CGNL1: variants seen among roughly 807,000 people sequenced by gnomAD.
CGNL1 encodes cingulin like 1, also known as cingulin-like protein 1.
Under a neutral mutation model 141.2 loss-of-function variants are expected in CGNL1, and 132 were observed. The ratio of observed to expected loss-of-function variants is 0.93; its 90% CI spans 0.81 to 1.08. The LOEUF is 1.08. CGNL1 is among the 50% of genes least tolerant of loss of function. The pLI is 0.00. For synonymous variants in CGNL1, 690 were observed against 622.1 expected (o/e 1.11, Z -1.63); for missense variants, 1,870 against 1,588.6 (o/e 1.18, Z -3.01).
chr15:57,380,030 A>G (rs2062407976), intron 1 of CGNL1, among the ~76,000 whole-genome samples: 1 of 151,950 alleles, frequency 6.6e-6, no homozygotes, highest in African/African-American at 2.4e-5. Context: ...AATTCACACT[A>G]AGGTGTCTTT....
At chr15:57,478,858 C>T (rs1345076070) in intron 8 of CGNL1, among the ~76,000 whole-genome samples, 2 of 152,092 alleles carry the variant, frequency 1.3e-5, no homozygotes, top group African/African-American at 4.8e-5. Flanking sequence ...ATGTTGGTAT[C>T]GAACTCCTGG....
chr15:57,534,139 C>G (rs1416605441), intron 14 of CGNL1, among the ~76,000 whole-genome samples: 2 of 152,224 alleles, frequency 1.3e-5, no homozygotes, highest in African/African-American at 4.8e-5. Context: ...TACTTTCCCC[C>G]AATTCTCTCC....
chr15:57,453,935 G>T lies in CGNL1; in HGVS notation c.2190+117G>T. The T allele has an allele frequency of 1.1e-5, 13 of 1,184,138 alleles. No individual in the cohort carries two copies. In the South Asian group the frequency reaches 1.9e-4, roughly 18 times the overall value. 73.4% of individuals were successfully genotyped at this position (1,184,138 alleles called of 1,614,324 possible). A position where few individuals can be genotyped will look rare whatever the true frequency, so the allele number is the denominator to read the frequency against. ...TGATGTGCACACCTGCTCCACCTGT[G>T]CTCTTATGATCTGTGAGTCAGTGGA... On this transcript the variant is annotated intron_variant, in intron 7 of 18. Transcript: ENST00000281282.
In CGNL1 at chr15:57,543,066, C is replaced by T. The variant is rs1291732719; in HGVS notation, c.3292-630C>T. Among the ~76,000 whole-genome samples, 3 of 152,196 alleles carry T rather than the reference C, an allele frequency of 2.0e-5. No individual in the cohort carries two copies. In the East Asian group the frequency reaches 5.8e-4, roughly 29 times the overall value. ...AACAGAAATCTATTGTCTCATGGTT[C>T]TGGAGGCCAGAAATCTGAAATCAGA... is the stretch of plus-strand genomic sequence containing the variant. On this transcript the variant is annotated intron_variant, in intron 14 of 18. Coordinates refer to ENST00000281282, the MANE Select transcript of CGNL1 (RefSeq NM_032866.5).
At chr15:57,530,266 C>G (rs1204151293) in intron 13 of CGNL1, among the ~76,000 whole-genome samples, 2 of 152,220 alleles carry the variant, frequency 1.3e-5, no homozygotes, top group Admixed American at 6.5e-5. Context: ...AGATCGTTTC[C>G]TTTGGCCGAC....
At position 57,438,953 on chromosome 15, in the gene CGNL1, AT is replaced by A; in HGVS notation, c.955del (p.Cys319ValfsTer38). On this transcript the variant is annotated frameshift_variant, in exon 2 of 19. Coordinates refer to ENST00000281282, the MANE Select transcript of CGNL1 (RefSeq NM_032866.5). LOFTEE classifies it high-confidence loss of function. ...ACAGGTTTTTACTGGATGATCAGGA[AT>A]GTGCCATCCATGCCGACAACGTCAA... ...LYRFLLDDQECAIHADNVNRH... is the reference protein window; with the variant it reads ...LYRFLLDDQEXAIHADNVNRH... 1 of 1,614,220 alleles carries A rather than the reference AT, an allele frequency of 6.2e-7. No individual in the cohort carries two copies. The highest frequency in any genetic ancestry group is 8.5e-7 in the Non-Finnish European group (1 of 1,180,036).
chr15:57,545,060 G>C (rs1441235048), intron 16 of CGNL1, among the ~76,000 whole-genome samples: 1 of 152,194 alleles, frequency 6.6e-6, no homozygotes, highest in Non-Finnish European at 1.5e-5. Flanking sequence ...ATGGGATCAA[G>C]TGAGCACACT....
At chr15:57,392,077 G>A (rs1276474883) in intron 1 of CGNL1, among the ~76,000 whole-genome samples, 1 of 151,780 alleles carries the variant, frequency 6.6e-6, no homozygotes. Flanking sequence ...ATCAATTTCT[G>A]GAACCAAGAA....
At chr15:57,404,215 C>G (rs2062690650) in intron 1 of CGNL1, among the ~76,000 whole-genome samples, 1 of 152,216 alleles carries the variant, frequency 6.6e-6, no homozygotes, top group Non-Finnish European at 1.5e-5. Flanking sequence ...ACTTGCTTCT[C>G]CCTGCTGAGC....
At chr15:57,402,480 C>T (rs1012538046) in intron 1 of CGNL1, among the ~76,000 whole-genome samples, 19 of 152,218 alleles carry the variant, frequency 1.2e-4, no homozygotes, top group African/African-American at 4.6e-4. Context: ...ACACCATGCT[C>T]TAAGTAGGGC....
At chr15:57,456,866 C>A (rs1326972139) in intron 7 of CGNL1, among the ~76,000 whole-genome samples, 3 of 152,136 alleles carry the variant, frequency 2.0e-5, no homozygotes, top group East Asian at 3.8e-4. Context: ...CTGGCATTTG[C>A]CAAGATACAG....
At position 57,436,348 on chromosome 15, in the gene CGNL1, T is replaced by G. The variant is rs79832808; in HGVS notation, c.-15-1637T>G. 9.2e-5 allele frequency among the ~76,000 whole-genome samples: 14 copies of G among 152,298 alleles called. No individual in the cohort carries two copies. The East Asian group carries it at 2.5e-3, about 27-fold the overall frequency. On this transcript the variant is annotated intron_variant, in intron 1 of 18. Transcript: ENST00000281282. The stretch of plus-strand genomic sequence containing the variant: ...CAGGAAAGCTATTTAAAAAGAAGGT[T>G]GAGTCACTTGGCCTAAGCTTTTGGG...
chr15:57,522,545 G>A (rs373420144), intron 10 of CGNL1, among the ~76,000 whole-genome samples: 8 of 152,130 alleles, frequency 5.3e-5, no homozygotes, highest in African/African-American at 1.7e-4. Context: ...CAACGTTTTC[G>A]AGATGATCCA....
intron 1 of CGNL1, among the ~76,000 whole-genome samples, chr15:57,419,360 GC>G (rs1215836474): frequency 6.6e-6 from 1 of 152,152 alleles, no homozygotes; most frequent in African/African-American, 2.4e-5. Flanking sequence ...CAATTGGTTT[GC>G]CATAATTAAT....
intron 14 of CGNL1, among the ~76,000 whole-genome samples, chr15:57,543,169 G>A (rs2032657436): frequency 1.3e-5 from 2 of 152,042 alleles, no homozygotes; most frequent in Admixed American, 6.5e-5. Context: ...GGTGGTTTCT[G>A]GCAATCTTTG....
chr15:57,391,975 C>CG (rs386383115), intron 1 of CGNL1, among the ~76,000 whole-genome samples: 17 of 150,304 alleles, frequency 1.1e-4, no homozygotes, highest in African/African-American at 3.7e-4. Context: ...TTTTTCTTTC[C>CG]CCCCCCTCAC....
At chr15:57,546,278 C>T (rs771495660) in intron 18 of CGNL1, 39 bp downstream of exon 18, 1 of 1,527,822 alleles carries the variant, frequency 6.5e-7, no homozygotes, top group South Asian at 1.2e-5. Context: ...CGGGTAATCT[C>T]CCCACAGTTG....
At position 57,528,797 on chromosome 15, in the gene CGNL1, G is replaced by A; in HGVS notation, c.3183G>A (p.Arg1061=). ...AKSHLKDDRS[R]LVKQMEDKVS... is the part of the protein sequence containing the mutation. ...GTCACCTCAAAGATGACCGCAGCAG[G>A]CTGGTCAAGCAGATGGAGGTCTGTG... is the stretch of plus-strand genomic sequence containing the variant. Residue 1061 remains arginine, a synonymous_variant, in exon 13 of 19, where the codon AGG becomes AGA. Coordinates refer to ENST00000281282, the MANE Select transcript of CGNL1 (RefSeq NM_032866.5). The A allele has an allele frequency of 6.2e-7, 1 of 1,613,912 alleles. No homozygotes were observed. Among genetic ancestry groups the A allele is most frequent in the Non-Finnish European group, 8.5e-7 (1 of 1,179,964 alleles).
chr15:57,435,905 G>A (rs1411939754), intron 1 of CGNL1, among the ~76,000 whole-genome samples: 8 of 152,132 alleles, frequency 5.3e-5, no homozygotes, highest in Admixed American at 5.2e-4. Flanking sequence ...TGCTCACAGA[G>A]GGAAGCTCAA....
Sources: allele counts gnomAD v4.1 joint callset (sites outside exome capture counted in the v4.1 genomes callset), GRCh38; gene constraint gnomAD v4.1.1; transcripts MANE v1.5; gene names NCBI Gene and HGNC (gene_info 2026-07-23, HGNC 2026-07-21).